Variants in KCNN2 observed in about 807,000 individuals in gnomAD.
The protein encoded by KCNN2 is small conductance calcium-activated potassium channel protein 2.
In KCNN2, 24 loss-of-function variants were observed where a neutral mutation model predicts 55.5. The observed-to-expected ratio is 0.43, with a 90% confidence interval of 0.31 to 0.61. The LOEUF (loss-of-function observed/expected upper bound fraction) is 0.61. Ranked by LOEUF, KCNN2 falls within the 20% of genes least tolerant of loss-of-function variation. KCNN2 has a pLI of 0.08. For missense variants in KCNN2, 754 were observed against 853.6 expected, an observed-to-expected ratio of 0.88 and a Z score of 1.45; for synonymous variants, 431 against 336.1, an observed-to-expected ratio of 1.28 and a Z score of -3.09.
chr5:114,159,439 A>C lies in KCNN2; in HGVS notation c.-270-62041A>C, dbSNP rs571988363. 2.0e-5 allele frequency among the ~76,000 whole-genome samples: 3 copies of C among 152,328 alleles called. No individual in the cohort carries two copies. In the South Asian group the frequency reaches 6.2e-4, roughly 32 times the overall value. ...ATTGAGGATTTTTGCGTCAATGTTC[A>C]TCAAGGATATTGGTTTAAAATTCTT... is the stretch of plus-strand genomic sequence containing the variant. On this transcript the variant is annotated intron_variant, in intron 1 of 10. Coordinates refer to the KCNN2 transcript ENST00000512097.
intron 1 of KCNN2, among the ~76,000 whole-genome samples, chr5:114,202,647 C>T (rs926304154): frequency 3.6e-5 from 5 of 140,096 alleles, no homozygotes; most frequent in Admixed American, 1.5e-4. Context: ...AGTGCAGTGG[C>T]GCGATCTCGG....
rs377598397 is a variant in KCNN2, at chr5:114,289,348, C to T, written c.-185+67783C>T. On this transcript the variant is annotated intron_variant, in intron 2 of 10. Transcript: ENST00000512097. ...TTTCAAGATTGTTTAGCTTGCAGTTCCATATGAATTTTAGAATCAACTTTT... is the reference window on the plus strand; with the variant it reads ...TTTCAAGATTGTTTAGCTTGCAGTTTCATATGAATTTTAGAATCAACTTTT... 2.7e-5 allele frequency among the ~76,000 whole-genome samples: 4 copies of T among 150,030 alleles called. No individual in the cohort carries two copies. The South Asian group carries it at 8.4e-4, about 32-fold the overall frequency.
intron 2 of KCNN2, among the ~76,000 whole-genome samples, chr5:114,290,601 T>G (rs1382125825): frequency 1.3e-5 from 2 of 152,124 alleles, no homozygotes; most frequent in African/African-American, 4.8e-5. Flanking sequence ...TTTTTATTAT[T>G]ACTTTCTTCC....
At chr5:114,056,229 C>T in exon 1 of KCNN2, 1 of 395,880 alleles carries the variant, frequency 2.5e-6, no homozygotes, top group Non-Finnish European at 4.4e-6. Flanking sequence ...CGGAGCTCTC[C>T]GGCTGGCTCT....
intron 2 of KCNN2, among the ~76,000 whole-genome samples, chr5:114,350,955 G>A (rs1757194573): frequency 1.3e-5 from 2 of 151,700 alleles, no homozygotes; most frequent in South Asian, 4.1e-4. Flanking sequence ...ATTTCTATAT[G>A]AATGTTAGGG....
intron 2 of KCNN2, among the ~76,000 whole-genome samples, chr5:114,222,938 T>C (rs1754170831): frequency 6.6e-6 from 1 of 152,198 alleles, no homozygotes; most frequent in Admixed American, 6.5e-5. Flanking sequence ...ATTTAAACGC[T>C]TAATCTTAGG....
At chr5:114,378,920 G>C (rs1413159490) in intron 2 of KCNN2, among the ~76,000 whole-genome samples, 2 of 152,188 alleles carry the variant, frequency 1.3e-5, no homozygotes, top group South Asian at 2.1e-4. Context: ...GCAGTAAAGA[G>C]TGTTTGTTAT....
chr5:114,090,505 A>G (rs1205002912), intron 1 of KCNN2, among the ~76,000 whole-genome samples: 5 of 151,032 alleles, frequency 3.3e-5, no homozygotes, highest in African/African-American at 9.7e-5. Context: ...AACCATTACT[A>G]TCTGTTTCTC....
intron 2 of KCNN2, among the ~76,000 whole-genome samples, chr5:114,254,736 T>C (rs1754948142): frequency 6.6e-6 from 1 of 152,184 alleles, no homozygotes; most frequent in African/African-American, 2.4e-5. Context: ...CTCTTTCTTA[T>C]AAAAATATTG....
intron 3 of KCNN2, among the ~76,000 whole-genome samples, chr5:114,440,315 T>C (rs1168058965): frequency 1.3e-5 from 2 of 152,212 alleles, no homozygotes; most frequent in Non-Finnish European, 2.9e-5. Flanking sequence ...CCTAGACTTC[T>C]ATGCCTTCCT....
At chr5:114,154,343 A>G (rs984181245) in intron 1 of KCNN2, among the ~76,000 whole-genome samples, 2 of 152,152 alleles carry the variant, frequency 1.3e-5, no homozygotes, top group African/African-American at 4.8e-5. Context: ...ATTTTGTAGT[A>G]TAGCCTCTCT....
chr5:114,280,359 T>A (rs1052039258), intron 2 of KCNN2, among the ~76,000 whole-genome samples: 1 of 152,190 alleles, frequency 6.6e-6, no homozygotes, highest in Non-Finnish European at 1.5e-5. Context: ...GGTGTTTTAG[T>A]CAAGAAGTCC....
chr5:114,066,026 T>A (rs1193142357), intron 1 of KCNN2, among the ~76,000 whole-genome samples: 1 of 152,094 alleles, frequency 6.6e-6, no homozygotes, highest in Non-Finnish European at 1.5e-5. Flanking sequence ...GTAGGAGTCA[T>A]AATTTAAGAG....
At chr5:114,193,506 T>C (rs537338529) in intron 1 of KCNN2, among the ~76,000 whole-genome samples, 2 of 152,244 alleles carry the variant, frequency 1.3e-5, no homozygotes, top group South Asian at 2.1e-4. Context: ...GGCAATCCTT[T>C]AGTTAGTGCT....
intron 2 of KCNN2, among the ~76,000 whole-genome samples, chr5:114,329,494 G>C (rs536611451): frequency 6.6e-6 from 1 of 152,218 alleles, no homozygotes; most frequent in South Asian, 2.1e-4. Flanking sequence ...TCAAACATCA[G>C]ACTCCAAATT....
At chr5:114,156,086 C>T (rs1159072161) in intron 1 of KCNN2, among the ~76,000 whole-genome samples, 1 of 152,140 alleles carries the variant, frequency 6.6e-6, no homozygotes, top group Non-Finnish European at 1.5e-5. Context: ...TCTAATGTTT[C>T]CATCTTCTGC....
intron 2 of KCNN2, among the ~76,000 whole-genome samples, chr5:114,320,642 C>A (rs1003354995): frequency 6.6e-6 from 1 of 151,754 alleles, no homozygotes; most frequent in Non-Finnish European, 1.5e-5. Context: ...TTCATCCAAT[C>A]CCAAGCCCCT....
chr5:114,235,964 G>A (rs1452241248), intron 2 of KCNN2, among the ~76,000 whole-genome samples: 1 of 152,168 alleles, frequency 6.6e-6, no homozygotes, highest in Non-Finnish European at 1.5e-5. Flanking sequence ...CTAGTATTGA[G>A]GCTATGCAGC....
intron 1 of KCNN2, among the ~76,000 whole-genome samples, chr5:114,156,139 A>G (rs1283827950): frequency 6.6e-6 from 1 of 152,118 alleles, no homozygotes; most frequent in African/African-American, 2.4e-5. Flanking sequence ...TTGAATAGGG[A>G]ATCTTTTGCC....
Sources: allele counts gnomAD v4.1 joint callset (sites outside exome capture counted in the v4.1 genomes callset), GRCh38; gene constraint gnomAD v4.1.1; transcripts MANE v1.5; gene names NCBI Gene and HGNC (gene_info 2026-07-23, HGNC 2026-07-21).